Variants in BICC1 observed in about 807,000 individuals in gnomAD.
BICC1 encodes the protein protein bicaudal C homolog 1.
Under a neutral mutation model 111.0 loss-of-function variants are expected in BICC1, and 43 were observed. The ratio of observed to expected loss-of-function variants is 0.39; its 90% CI spans 0.30 to 0.50. The LOEUF (loss-of-function observed/expected upper bound fraction) is 0.50, where lower values mean the gene tolerates loss of function less well. Among genes scored for constraint, BICC1 ranks in the 20% least tolerant of loss-of-function variants. The probability of loss-of-function intolerance (pLI) is 0.88; values close to 1 mark genes in which losing one functional copy is unlikely to be tolerated. For missense variants in BICC1, 1,091 were observed against 1,203.2 expected (o/e 0.91, Z 1.38); for synonymous variants, 467 against 434.4 (o/e 1.07, Z -0.93).
intron 17 of BICC1, among the ~76,000 whole-genome samples, chr10:58,809,958 A>C (rs562603074): frequency 6.6e-6 from 1 of 152,338 alleles, no homozygotes; most frequent in Non-Finnish European, 1.5e-5. Context: ...AGTTTTATGA[A>C]CATAAGAATC....
chr10:58,529,935 T>C (rs1649089), intron 1 of BICC1, among the ~76,000 whole-genome samples: 69,708 of 151,574 alleles, frequency 0.46, 17,087 homozygotes, highest in Admixed American at 0.62. Context: ...TTTGCATAAA[T>C]GATTAGCTTT....
intron 15 of BICC1, among the ~76,000 whole-genome samples, chr10:58,804,990 A>G (rs1843664877): frequency 2.0e-5 from 3 of 151,954 alleles, no homozygotes; most frequent in Non-Finnish European, 2.9e-5. Context: ...CTTTTTCCCA[A>G]CCCTCCTAAG....
At position 58,722,162 on chromosome 10, in the gene BICC1, G is replaced by A. The variant is rs140200141; in HGVS notation, c.307+20019G>A. On this transcript the variant is annotated intron_variant, in intron 3 of 20. Transcript: ENST00000373886. ...AGAAAATTGCTCATAAGTAAAGGAA[G>A]CAGTGAATCCATCCGGTTTCCATGA... is the stretch of plus-strand genomic sequence containing the variant. 1.1e-4 allele frequency among the ~76,000 whole-genome samples: 16 copies of A among 152,336 alleles called. 1 individual carries two copies. The East Asian group carries it at 3.1e-3, about 29-fold the overall frequency.
chr10:58,731,138 A>G (rs555935363), intron 3 of BICC1, among the ~76,000 whole-genome samples: 40 of 152,248 alleles, frequency 2.6e-4, no homozygotes, highest in Non-Finnish European at 5.0e-4. Flanking sequence ...TTTTTACCAG[A>G]TACTCTAAAT....
chr10:58,732,091 A>G (rs1379409092), intron 3 of BICC1, among the ~76,000 whole-genome samples: 3 of 152,074 alleles, frequency 2.0e-5, no homozygotes, highest in South Asian at 2.1e-4. Flanking sequence ...GGCTTTCAAC[A>G]TGCCTTGTTT....
chr10:58,753,823 C>T (rs1440899812), intron 3 of BICC1, among the ~76,000 whole-genome samples: 4 of 152,082 alleles, frequency 2.6e-5, no homozygotes, highest in East Asian at 1.9e-4. Context: ...TGGACAAAGG[C>T]CCTTTTTGCC....
intron 2 of BICC1, among the ~76,000 whole-genome samples, chr10:58,641,693 A>T (rs1838128645): frequency 6.6e-6 from 1 of 152,174 alleles, no homozygotes; most frequent in Admixed American, 6.5e-5. Flanking sequence ...TTTGTAATGG[A>T]GAATGAGTTG....
intron 1 of BICC1, among the ~76,000 whole-genome samples, chr10:58,530,419 G>A (rs1261782039): frequency 6.6e-6 from 1 of 151,814 alleles, no homozygotes; most frequent in East Asian, 1.9e-4. Flanking sequence ...TCCTTGAGGA[G>A]AGTCAAGGGT....
intron 1 of BICC1, among the ~76,000 whole-genome samples, chr10:58,521,659 C>A (rs1158526040): frequency 3.0e-5 from 3 of 101,592 alleles, no homozygotes; most frequent in African/African-American, 1.6e-4. Context: ...CTCCGTTTTG[C>A]CTTTTTTTGC....
At chr10:58,527,628 G>C (rs980846999) in intron 1 of BICC1, among the ~76,000 whole-genome samples, 1 of 152,078 alleles carries the variant, frequency 6.6e-6, no homozygotes, top group African/African-American at 2.4e-5. Flanking sequence ...TCCGGTTTCA[G>C]CTTTCTACAT....
At chr10:58,821,381 AG>A (rs1394411490) in intron 20 of BICC1, among the ~76,000 whole-genome samples, 1 of 152,174 alleles carries the variant, frequency 6.6e-6, no homozygotes, top group Non-Finnish European at 1.5e-5. Context: ...TGAAGCCAGC[AG>A]TTACATCCAA....
At chr10:58,532,333 T>G (rs1462201742) in intron 1 of BICC1, among the ~76,000 whole-genome samples, 1 of 151,838 alleles carries the variant, frequency 6.6e-6, no homozygotes, top group African/African-American at 2.4e-5. Flanking sequence ...TTTCAAACTT[T>G]TTTTTGGCAC....
chr10:58,754,703 T>A (rs1842091385), intron 3 of BICC1, among the ~76,000 whole-genome samples: 1 of 152,088 alleles, frequency 6.6e-6, no homozygotes, highest in South Asian at 2.1e-4. Flanking sequence ...AAATTTTCTT[T>A]CTGTGGCCCT....
chr10:58,611,518 C>T lies in BICC1; in HGVS notation c.191-9337C>T, dbSNP rs181385211. 2.8e-3 allele frequency among the ~76,000 whole-genome samples: 422 copies of T among 151,102 alleles called. 4 individuals carry two copies. The highest frequency in any genetic ancestry group is 9.5e-3 in the African/African-American group (391 of 41,160). On this transcript the variant is annotated intron_variant, in intron 1 of 20. Transcript: ENST00000373886. ...TGAGACAGAATCTCGCACTGTTGCC[C>T]GGGCTGGAGTACAGTGTCATGATTT...
intron 2 of BICC1, among the ~76,000 whole-genome samples, chr10:58,658,734 A>C (rs7074499): frequency 0.99 from 151,279 of 152,232 alleles, 75,174 homozygotes; most frequent in Middle Eastern, 1. Flanking sequence ...CCAGTAGGAG[A>C]CCTTTCAGGT....
intron 1 of BICC1, among the ~76,000 whole-genome samples, chr10:58,582,342 A>G (rs879544348): frequency 2.6e-5 from 4 of 152,328 alleles, no homozygotes; most frequent in Admixed American, 2.6e-4. Context: ...AATCTAATAA[A>G]TGAAAAATTG....
chr10:58,691,642 C>T (rs1052768205), intron 2 of BICC1, among the ~76,000 whole-genome samples: 1 of 152,140 alleles, frequency 6.6e-6, no homozygotes, highest in Non-Finnish European at 1.5e-5. Context: ...TCTGGCTGCT[C>T]TTTTAAAATG....
intron 1 of BICC1, among the ~76,000 whole-genome samples, chr10:58,616,515 A>T (rs1047939623): frequency 2.6e-5 from 4 of 152,132 alleles, no homozygotes; most frequent in African/African-American, 4.8e-5. Context: ...TTTCTGTATG[A>T]TGAGGGAACT....
At chr10:58,736,066 A>G (rs2132579630) in intron 3 of BICC1, among the ~76,000 whole-genome samples, 1 of 152,314 alleles carries the variant, frequency 6.6e-6, no homozygotes, top group South Asian at 2.1e-4. Context: ...CTGAGAGAGC[A>G]GCAGGACAGA....
Sources: gnomAD v4.1 joint callset for allele counts (sites outside exome capture counted in the v4.1 genomes callset) on GRCh38, gnomAD v4.1.1 for gene constraint, MANE v1.5 for transcripts, NCBI Gene and HGNC (gene_info 2026-07-23, HGNC 2026-07-21) for gene names.